The following NREP variants were observed in gnomAD, a reference collection of about 807,000 sequenced individuals.
The protein encoded by NREP is neuronal regeneration related protein.
NREP carries 5 observed loss-of-function variants against 8.6 expected under a neutral mutation model. That is an observed-to-expected ratio of 0.58 (90% CI 0.30 to 1.22). The LOEUF (loss-of-function observed/expected upper bound fraction) is 1.22. Among genes scored for constraint, NREP ranks in the 50% most tolerant of loss-of-function variants. NREP has a pLI of 0.07. For missense variants in NREP, 86 were observed against 82.5 expected (o/e 1.04, Z -0.17); for synonymous variants, 27 against 28.0 (o/e 0.96, Z 0.11).
intron 2 of NREP, 137 bp downstream of exon 2, chr5:111,755,633 T>A: frequency 2.1e-6 from 2 of 939,204 alleles, no homozygotes; most frequent in Non-Finnish European, 3.5e-6. Flanking sequence ...TCCCAGGAAC[T>A]GGAGATAGAA....
chr5:111,836,276 A>G (rs1480686753), intron 2 of NREP, among the ~76,000 whole-genome samples: 1 of 152,116 alleles, frequency 6.6e-6, no homozygotes, highest in African/African-American at 2.4e-5. Flanking sequence ...ATGAAGTATT[A>G]TTAGAATAGA....
At chr5:111,805,423 T>C (rs538890396) in intron 2 of NREP, among the ~76,000 whole-genome samples, 1 of 152,352 alleles carries the variant, frequency 6.6e-6, no homozygotes, top group Non-Finnish European at 1.5e-5. Context: ...AATGCCCGTA[T>C]ACTGGAGAGA....
At chr5:111,900,983 G>C (rs188662599) in intron 2 of NREP, among the ~76,000 whole-genome samples, 26 of 152,238 alleles carry the variant, frequency 1.7e-4, no homozygotes, top group African/African-American at 6.3e-4. Context: ...CAGTATTCCT[G>C]ATGAACGTAG....
At chr5:111,825,377 T>G (rs1460877662) in intron 2 of NREP, among the ~76,000 whole-genome samples, 1 of 152,198 alleles carries the variant, frequency 6.6e-6, no homozygotes, top group African/African-American at 2.4e-5. Context: ...AGCTGCAAAC[T>G]TCATTATCTT....
At chr5:111,931,451 C>T (rs182477034) in intron 2 of NREP, among the ~76,000 whole-genome samples, 308 of 152,174 alleles carry the variant, frequency 2.0e-3, no homozygotes, top group Middle Eastern at 3.4e-3. Flanking sequence ...GGTCACCTGC[C>T]AATCGATAGT....
At chr5:111,817,421 C>A (rs973597984) in intron 2 of NREP, among the ~76,000 whole-genome samples, 1 of 152,082 alleles carries the variant, frequency 6.6e-6, no homozygotes, top group African/African-American at 2.4e-5. Flanking sequence ...AAGTTTTTGT[C>A]AATCAGATTA....
intron 2 of NREP, among the ~76,000 whole-genome samples, chr5:111,742,354 C>A (rs144127113): frequency 4.4e-4 from 67 of 152,170 alleles, no homozygotes; most frequent in African/African-American, 1.4e-3. Context: ...TATGTGGGAA[C>A]CTGACAGCTG....
intron 2 of NREP, among the ~76,000 whole-genome samples, chr5:111,840,852 T>G (rs73789545): frequency 0.016 from 2,367 of 152,202 alleles, 52 homozygotes; most frequent in African/African-American, 0.042. Context: ...AAATCCAGTT[T>G]ATGACCTGTG....
chr5:111,809,649 C>T (rs1752224062), intron 2 of NREP, among the ~76,000 whole-genome samples: 1 of 152,088 alleles, frequency 6.6e-6, no homozygotes. Context: ...CCTTCTCCAC[C>T]GTGTTATGAT....
intron 2 of NREP, among the ~76,000 whole-genome samples, chr5:111,828,984 T>G (rs1561683388): frequency 6.6e-6 from 1 of 151,642 alleles, no homozygotes; most frequent in African/African-American, 2.4e-5. Context: ...TAGAGAGACA[T>G]TTAGAGGGGG....
chr5:111,939,183 C>T (rs1176284910), intron 2 of NREP, among the ~76,000 whole-genome samples: 6 of 152,034 alleles, frequency 3.9e-5, no homozygotes, highest in African/African-American at 1.4e-4. Context: ...CTCACATCTT[C>T]CAGCATGGAA....
intron 2 of NREP, among the ~76,000 whole-genome samples, chr5:111,888,623 C>T (rs1199678273): frequency 6.6e-6 from 1 of 152,126 alleles, no homozygotes; most frequent in South Asian, 2.1e-4. Flanking sequence ...CCAAACCATA[C>T]CAGTCTATGT....
At chr5:111,732,022 T>C (rs1367388620) in intron 3 of NREP, 1 of 152,210 alleles carries the variant, frequency 6.6e-6, no homozygotes, top group Non-Finnish European at 1.5e-5. Flanking sequence ...TCAGCTGAAC[T>C]CTGGAGTTTT....
chr5:111,959,051 A>C (rs1210923852), intron 2 of NREP, among the ~76,000 whole-genome samples: 1 of 152,010 alleles, frequency 6.6e-6, no homozygotes, highest in African/African-American at 2.4e-5. Flanking sequence ...TACAAGAAAA[A>C]AATTAGATTG....
chr5:111,922,334 A>AT (rs1249821625), intron 2 of NREP, among the ~76,000 whole-genome samples: 1 of 152,096 alleles, frequency 6.6e-6, no homozygotes, highest in Non-Finnish European at 1.5e-5. Context: ...ATGAAGAGCC[A>AT]TTGTCACTTT....
At chr5:111,793,863 A>C (rs1751812487) in intron 2 of NREP, among the ~76,000 whole-genome samples, 1 of 152,124 alleles carries the variant, frequency 6.6e-6, no homozygotes, top group Non-Finnish European at 1.5e-5. Flanking sequence ...GTTCAGGACT[A>C]GCGTGAGTAA....
intron 2 of NREP, among the ~76,000 whole-genome samples, chr5:111,770,250 GT>G (rs1751186319): frequency 6.6e-6 from 1 of 152,104 alleles, no homozygotes; most frequent in African/African-American, 2.4e-5. Context: ...CTTTCAAAAA[GT>G]GAGTTTATAG....
intron 2 of NREP, among the ~76,000 whole-genome samples, chr5:111,934,851 G>C (rs1214240161): frequency 2.0e-5 from 3 of 152,022 alleles, no homozygotes; most frequent in Admixed American, 2.0e-4. Context: ...CTCCAGGTGA[G>C]GGAGGCAATA....
intron 2 of NREP, among the ~76,000 whole-genome samples, chr5:111,888,392 C>G (rs1754315055): frequency 6.6e-6 from 1 of 151,912 alleles, no homozygotes; most frequent in African/African-American, 2.4e-5. Flanking sequence ...AAAGGAGAAG[C>G]AAGGCAACTT....
Sources: allele counts gnomAD v4.1 joint callset (sites outside exome capture counted in the v4.1 genomes callset), GRCh38; gene constraint gnomAD v4.1.1; transcripts MANE v1.5; gene names NCBI Gene and HGNC (gene_info 2026-07-23, HGNC 2026-07-21).